The following ZNF701 variants were observed in gnomAD, a reference collection of about 807,000 sequenced individuals.
ZNF701 encodes zinc finger protein 701.
Under a neutral mutation model 7.1 loss-of-function variants are expected in ZNF701, and 6 were observed. The observed-to-expected ratio is 0.84, with a 90% CI of 0.46 to 1.66. The LOEUF is 1.66. Ranked by LOEUF, ZNF701 falls within the 40% of genes most tolerant of loss-of-function variation. ZNF701 has a pLI of 0.01. For missense variants in ZNF701, 541 were observed against 559.2 expected (o/e 0.97, Z 0.33); for synonymous variants, 166 against 188.2 (o/e 0.88, Z 0.97).
the ZNF701 span, chr19:52,597,771 A>C: frequency 5.0e-5 from 10 of 198,228 alleles, no homozygotes; most frequent in Non-Finnish European, 1.1e-4. Context: ...CTTGAGGGCA[A>C]GGTCTGGAAG....
At position 52,583,713 on chromosome 19, in the gene ZNF701, A is replaced by G. The variant is rs2059991747; in HGVS notation, c.*256A>G. The stretch of plus-strand genomic sequence containing the variant: ...CACTGGAAAGGAACTGTACAAGTGT[A>G]ATGAGTGTGGCAGAGCCTTTGGTGG... On this transcript the variant is annotated 3_prime_UTR_variant, in exon 4 of 4. Coordinates refer to ENST00000391785, the MANE Select transcript of ZNF701 (RefSeq NM_018260.3). 1 of 805,012 alleles carries G rather than the reference A, an allele frequency of 1.2e-6. No individual in the cohort carries two copies. Among genetic ancestry groups the G allele is most frequent in the African/African-American group, 1.7e-5 (1 of 59,220 alleles). The allele number at this position is 805,012 out of a possible 1,614,324, so 49.9% of individuals were successfully genotyped here.
chr19:52,591,658 G>A (rs1311875234), downstream of ZNF701, among the ~76,000 whole-genome samples: 2 of 151,950 alleles, frequency 1.3e-5, no homozygotes, highest in Non-Finnish European at 2.9e-5. Flanking sequence ...CTGTGTTCAA[G>A]CAATTCTCCT....
At chr19:52,571,551 G>T (rs1004321709) in intron 1 of ZNF701, among the ~76,000 whole-genome samples, 4 of 152,056 alleles carry the variant, frequency 2.6e-5, no homozygotes, top group Admixed American at 6.6e-5. Flanking sequence ...GTAGAGACGG[G>T]GTTTCACCAT....
At chr19:52,578,482 C>T (rs12971607) in intron 3 of ZNF701, among the ~76,000 whole-genome samples, 5,248 of 152,212 alleles carry the variant, frequency 0.034, 135 homozygotes, top group Non-Finnish European at 0.055. Context: ...CTACCTGTCT[C>T]CGCGTCTTGA....
chr19:52,589,404 T>C (rs558259817), downstream of ZNF701, among the ~76,000 whole-genome samples: 3 of 152,326 alleles, frequency 2.0e-5, no homozygotes, highest in East Asian at 5.8e-4. Context: ...TTTAGTTCTT[T>C]ATTTTTGCCC....
rs550811126 is a variant in ZNF701 at position 52,585,048 on chromosome 19, C to T, written c.*1591C>T. ...CACAGACCTGGAAATTCCGGCCCCT[C>T]TTTCTCAACTCAGAGCAAATTGAGA... On this transcript the variant is annotated 3_prime_UTR_variant, in exon 4 of 4. Transcript: ENST00000391785. 1 of 152,344 alleles carries T rather than the reference C, an allele frequency of 6.6e-6. No homozygotes were observed. The highest frequency in any genetic ancestry group is 1.9e-4 in the East Asian group (1 of 5,186). 9.4% of individuals were successfully genotyped at this position (152,344 alleles called of 1,614,324 possible). A position where few individuals can be genotyped will look rare whatever the true frequency, so the allele number is the denominator to read the frequency against.
rs568407271 is a variant in ZNF701, at chr19:52,574,201, C to T, written c.15+39C>T. On this transcript the variant is annotated intron_variant, in intron 2 of 3. Coordinates refer to ENST00000391785, the MANE Select transcript of ZNF701 (RefSeq NM_018260.3). ...CTCGGGGGATTGTTCTGTCTCCTTCCTTTCAGAAATGCTGATCTTGGAGTT... is the reference window on the plus strand; with the variant it reads ...CTCGGGGGATTGTTCTGTCTCCTTCTTTTCAGAAATGCTGATCTTGGAGTT... 4.3e-5 allele frequency: 69 copies of T among 1,602,312 alleles called. No homozygotes were observed. The South Asian group carries it at 7.0e-4, about 16-fold the overall frequency.
At chr19:52,588,630 CG>C, downstream of ZNF701, 1 of 353,736 alleles carries the variant, frequency 2.8e-6, no homozygotes, top group Non-Finnish European at 5.4e-6. Context: ...TGATATTCCT[CG>C]GTGGATTCTT....
chr19:52,574,293 C>T, intron 2 of ZNF701, 131 bp downstream of exon 2: 1 of 1,435,444 alleles, frequency 7.0e-7, no homozygotes, highest in Non-Finnish European at 9.7e-7. Flanking sequence ...CATGCCTTCC[C>T]TCAGTCCCTG....
intron 3 of ZNF701, among the ~76,000 whole-genome samples, chr19:52,577,611 A>G (rs562285254): frequency 6.6e-6 from 1 of 152,072 alleles, no homozygotes; most frequent in African/African-American, 2.4e-5. Context: ...CTAGAAGGCA[A>G]GAGGTGAGCC....
At position 52,583,050 on chromosome 19, in the gene ZNF701, T is replaced by G. The variant is rs781689324; in HGVS notation, c.991T>G (p.Cys331Gly). The change falls in exon 4 of 4, where the codon TGT becomes GGT. Residue 331 changes from cysteine (C) to glycine (G), a missense_variant. Cys to Gly is a radical substitution (Grantham distance 159). Coordinates refer to ENST00000391785, the MANE Select transcript of ZNF701 (RefSeq NM_018260.3). Reference sequence around the variant, plus strand: ...AGAGAAACCTTACAAATGTGAAGAATGTGACAAAGTTTTCAGTCGCAAATC... The same window carrying G: ...AGAGAAACCTTACAAATGTGAAGAAGGTGACAAAGTTTTCAGTCGCAAATC... Reference protein sequence around the residue: ...TGEKPYKCEECDKVFSRKSHL... With the variant: ...TGEKPYKCEEGDKVFSRKSHL... The G allele has an allele frequency of 4.7e-5, 76 of 1,613,674 alleles. No individual in the cohort carries two copies. The South Asian group carries it at 4.8e-4, about 10-fold the overall frequency.
chr19:52,597,031 T>G, the ZNF701 span: 2 of 1,235,992 alleles, frequency 1.6e-6, no homozygotes, highest in African/African-American at 3.0e-5. Flanking sequence ...CACAAAGTCT[T>G]CAGTAATGCT....
At chr19:52,587,244 C>A (rs1207833397), downstream of ZNF701, 3 of 152,160 alleles carry the variant, frequency 2.0e-5, no homozygotes. Context: ...TACATCATTT[C>A]CAAATTTATT....
chr19:52,578,405 A>G (rs62117238), intron 3 of ZNF701, among the ~76,000 whole-genome samples: 18,741 of 151,870 alleles, frequency 0.12, 1,289 homozygotes, highest in Middle Eastern at 0.21. Flanking sequence ...TAGAAGATTC[A>G]CCCTCCTTAC....
At position 52,583,510 on chromosome 19, in the gene ZNF701, T is replaced by G; in HGVS notation, c.*53T>G. ...AACAGTCAAACCTTGCATGTCATCA[T>G]AGACTTTATACTGGAGAGAAACCTT... On this transcript the variant is annotated 3_prime_UTR_variant, in exon 4 of 4. Coordinates refer to ENST00000391785, the MANE Select transcript of ZNF701 (RefSeq NM_018260.3). 1.5e-5 allele frequency: 24 copies of G among 1,606,468 alleles called. No individual in the cohort carries two copies. Among genetic ancestry groups the G allele is most frequent in the Non-Finnish European group, 2.0e-5 (23 of 1,174,808 alleles).
chr19:52,574,054 A>T, intron 1 of ZNF701, 23 bp from the exon 2 acceptor site: 1 of 1,606,146 alleles, frequency 6.2e-7, no homozygotes, highest in Non-Finnish European at 8.5e-7. Flanking sequence ...CTGAGCAGTA[A>T]ACAACATATT....
intron 1 of ZNF701, among the ~76,000 whole-genome samples, chr19:52,573,851 C>T (rs553931983): frequency 2.0e-5 from 3 of 152,294 alleles, no homozygotes; most frequent in Admixed American, 6.5e-5. Context: ...GGGTCTGTGC[C>T]CTGAAAGGGA....
chr19:52,578,276 A>G lies in ZNF701; in HGVS notation c.142+2255A>G, dbSNP rs999437373. ...CTCAAAAAAAAAAAAAAAAAAAAAA[A>G]AAGAAGTGTATAGAAGAAAACGCTA... On this transcript the variant is annotated intron_variant, in intron 3 of 3. Transcript: ENST00000391785. Among the ~76,000 whole-genome samples the G allele has an allele frequency of 2.6e-5, 4 of 151,326 alleles. No individual in the cohort carries two copies. The East Asian group carries it at 7.8e-4, about 29-fold the overall frequency.
chr19:52,589,654 A>AT (rs1369417329), downstream of ZNF701, among the ~76,000 whole-genome samples: 2 of 151,814 alleles, frequency 1.3e-5, no homozygotes, highest in African/African-American at 2.4e-5. Context: ...TAAGTTTTGT[A>AT]TTTTTAAGAG....
Sources: allele counts gnomAD v4.1 joint callset (sites outside exome capture counted in the v4.1 genomes callset), GRCh38; gene constraint gnomAD v4.1.1; transcripts MANE v1.5; gene names NCBI Gene and HGNC (gene_info 2026-07-23, HGNC 2026-07-21).